Variants in CFAP46 observed in about 807,000 individuals in gnomAD.
CFAP46 encodes the protein cilia and flagella associated protein 46.
In CFAP46, 245 loss-of-function variants were observed where a neutral mutation model predicts 325.7. That is an observed-to-expected ratio of 0.75 (90% CI 0.68 to 0.84). The LOEUF is 0.84. CFAP46 is among the 40% of genes least tolerant of loss of function. The pLI is 0.00. For synonymous variants in CFAP46, 1,523 were observed against 1,495.9 expected, an observed-to-expected ratio of 1.02 and a Z score of -0.42; for missense variants, 3,346 against 3,543.0, an observed-to-expected ratio of 0.94 and a Z score of 1.41.
intron 32 of CFAP46, among the ~76,000 whole-genome samples, chr10:132,871,447 G>T (rs989950535): frequency 1.3e-5 from 2 of 152,168 alleles, no homozygotes; most frequent in Admixed American, 6.5e-5. Context: ...AAAACCTTCT[G>T]GAAAGGATTC....
chr10:132,887,603 TCTC>T (rs773336765), intron 25 of CFAP46, among the ~76,000 whole-genome samples: 43 of 34,160 alleles, frequency 1.3e-3, no homozygotes, highest in South Asian at 4.3e-3. Context: ...TCCCTTCTTC[TCTC>T]CTCTCCTCTC....
chr10:132,826,238 A>G (rs866956046), intron 50 of CFAP46, among the ~76,000 whole-genome samples: 513 of 54,832 alleles, frequency 9.4e-3, no homozygotes, highest in Middle Eastern at 0.02. Flanking sequence ...GCCAGGCAGG[A>G]GCCGGAGCCA....
In CFAP46 at chr10:132,812,900, G is replaced by A; in HGVS notation, c.7389-3C>T. ...GGGCCTGCTCCCACTGGGCCTGGCT[G>A]CAGAGAGAGGAGAGCGCTGGTCAAC... On this transcript the variant is annotated splice_polypyrimidine_tract_variant and splice_region_variant and intron_variant, in intron 54 of 57. Transcript: ENST00000368586. 3 of 1,604,676 alleles carry A rather than the reference G, an allele frequency of 1.9e-6. No individual in the cohort carries two copies. The highest frequency in any genetic ancestry group is 2.5e-6 in the Non-Finnish European group (3 of 1,178,312).
intron 35 of CFAP46, among the ~76,000 whole-genome samples, chr10:132,862,599 G>C (rs886656933): frequency 6.6e-6 from 1 of 152,042 alleles, no homozygotes; most frequent in Non-Finnish European, 1.5e-5. Flanking sequence ...GGTCGGCGGG[G>C]GTCTGAGTGC....
Position 132,916,763 on chromosome 10 carries a change from C to T in CFAP46, c.1987-81G>A, listed in dbSNP as rs901798010. 25 of 1,396,668 alleles carry T rather than the reference C, an allele frequency of 1.8e-5. No homozygotes were observed. The South Asian group carries it at 3.9e-4, about 22-fold the overall frequency. The allele number at this position is 1,396,668 out of a possible 1,614,324, so 86.5% of individuals were successfully genotyped here. ...AGATAGGAAACACACACGCCCTTCC[C>T]TCAGCTCTGATTTGAAAATGCCAAG... is the stretch of plus-strand genomic sequence containing the variant. On this transcript the variant is annotated intron_variant, in intron 16 of 57. Transcript: ENST00000368586.
chr10:132,848,812 G>A (rs775018382), intron 41 of CFAP46, among the ~76,000 whole-genome samples: 3 of 152,052 alleles, frequency 2.0e-5, no homozygotes, highest in Non-Finnish European at 4.4e-5. Flanking sequence ...CTGTGTCCAC[G>A]CGCCTTAATT....
chr10:132,827,827 C>G lies in CFAP46; in HGVS notation c.7117+5531G>C, dbSNP rs1383088176. ...CAACTTACCTGCCTTCTGACTTGTACATTGGTTTGTATTTCCCAGGCTTTT... is the reference window on the plus strand; with the variant it reads ...CAACTTACCTGCCTTCTGACTTGTAGATTGGTTTGTATTTCCCAGGCTTTT... On this transcript the variant is annotated intron_variant, in intron 50 of 57. Transcript: ENST00000368586. The surrounding 1 kb of genome is among the most constrained non-coding windows in gnomAD (Gnocchi z 5.7). 2.0e-5 allele frequency among the ~76,000 whole-genome samples: 3 copies of G among 151,454 alleles called. No homozygotes were observed. Among genetic ancestry groups the G allele is most frequent in the Non-Finnish European group, 2.9e-5 (2 of 67,916 alleles).
At position 132,878,042 on chromosome 10, in the gene CFAP46, G is replaced by A; in HGVS notation, c.4051C>T (p.Leu1351=). 1.3e-6 allele frequency: 2 copies of A among 1,547,916 alleles called. No individual in the cohort carries two copies. The highest frequency in any genetic ancestry group is 1.7e-6 in the Non-Finnish European group (2 of 1,145,696). Residue 1351 remains leucine, a synonymous_variant, in exon 30 of 58, where the codon CTG becomes TTG. Transcript: ENST00000368586. ...AACAGATGTGAGCTGGTTGCTGCCA[G>A]GGGTCTGTTTTCCAGAACTGATTTT... ...AGKSVLENRP[L]AATSSHLLLP...
intron 29 of CFAP46, among the ~76,000 whole-genome samples, chr10:132,879,182 G>A (rs1414323126): frequency 6.6e-6 from 1 of 152,202 alleles, no homozygotes; most frequent in Non-Finnish European, 1.5e-5. Flanking sequence ...CTGGGAATGT[G>A]GAGGGTGCAG....
chr10:132,929,063 TGA>T (rs1356862299), intron 9 of CFAP46: 1 of 164,560 alleles, frequency 6.1e-6, no homozygotes, highest in Admixed American at 6.0e-5. Context: ...CCCCCTTCTC[TGA>T]GAGGATACGT....
At chr10:132,885,471 T>C (rs1260587944) in intron 26 of CFAP46, among the ~76,000 whole-genome samples, 185 bp from the exon 27 acceptor site, 2 of 151,818 alleles carry the variant, frequency 1.3e-5, no homozygotes, top group Non-Finnish European at 2.9e-5. Context: ...CTCGGGGCTA[T>C]GCAGGGTTTT....
chr10:132,940,502 G>A (rs1187594283), intron 4 of CFAP46, among the ~76,000 whole-genome samples: 1 of 152,220 alleles, frequency 6.6e-6, no homozygotes, highest in Non-Finnish European at 1.5e-5. Context: ...GCAAAGGCAC[G>A]CTGGGCCGAA....
intron 8 of CFAP46, among the ~76,000 whole-genome samples, chr10:132,933,453 C>T (rs560644027): frequency 9.8e-5 from 15 of 152,370 alleles, no homozygotes; most frequent in African/African-American, 3.1e-4. Context: ...GCCAGGGCCA[C>T]GGCCACGCTT....
rs1848161820 is a variant in CFAP46 at position 132,832,390 on chromosome 10, C to CCT, written c.7117+967_7117+968insAG. ...GCGGAGACCCCTGGGCTCTTCCTGC[C>CCT]CCCCCCCCCCAATGCTGTGGCCTGG... On this transcript the variant is annotated intron_variant, in intron 50 of 57. Transcript: ENST00000368586. This position sits in a 1 kb window ranked among gnomAD's most constrained non-coding sequence, Gnocchi z 4.1. Among the ~76,000 whole-genome samples the CCT allele has an allele frequency of 1.9e-5, 2 of 105,606 alleles. 1 individual carries two copies. The highest frequency in any genetic ancestry group is 1.9e-4 in the Admixed American group (2 of 10,580). 69.3% of individuals were successfully genotyped at this position (105,606 alleles called of 152,430 possible).
Position 132,885,848 on chromosome 10 carries a change from T to G in CFAP46, c.3416A>C (p.Gln1139Pro). The change falls in exon 26 of 58, where the codon CAG becomes CCG. Residue 1139 changes from glutamine to proline, a missense_variant. Transcript: ENST00000368586. Reference sequence around the variant, plus strand: ...GCGGTGGGCCGTCCTTGGCAGCACCTGCACAGCCTCGTCCAGCACCTTGAG... The same window carrying G: ...GCGGTGGGCCGTCCTTGGCAGCACCGGCACAGCCTCGTCCAGCACCTTGAG... Reference protein sequence around the residue: ...GGLKVLDEAVQVLPRTAHRLL... With the variant: ...GGLKVLDEAVPVLPRTAHRLL... 6.5e-7 allele frequency: 1 copy of G among 1,544,010 alleles called. No homozygotes were observed. The highest frequency in any genetic ancestry group is 8.7e-7 in the Non-Finnish European group (1 of 1,143,604).
chr10:132,834,986 C>T (rs914235791), intron 47 of CFAP46, among the ~76,000 whole-genome samples: 16 of 152,264 alleles, frequency 1.1e-4, no homozygotes, highest in Non-Finnish European at 1.3e-4. Context: ...CCCATCTCCT[C>T]TGCCCGCACC....
chr10:132,892,263 T>A, intron 25 of CFAP46, 70 bp downstream of exon 25: 1 of 1,437,988 alleles, frequency 7.0e-7, no homozygotes, highest in Non-Finnish European at 9.5e-7. Flanking sequence ...AGCACCACGT[T>A]TAAAATTGGC....
chr10:132,938,571 A>C lies in CFAP46; in HGVS notation c.536+18T>G, dbSNP rs199722227. The C allele has an allele frequency of 2.5e-6, 4 of 1,609,848 alleles. No homozygotes were observed. Among genetic ancestry groups the C allele is most frequent in the African/African-American group, 2.7e-5 (2 of 74,744 alleles). On this transcript the variant is annotated intron_variant, in intron 5 of 57. Transcript: ENST00000368586. ...GGCCCACCGGGAGGCCACAGAGGGC[A>C]CGGCGAGCTCAACTCACAGCATCAG...
chr10:132,891,674 C>T (rs1230145693), intron 25 of CFAP46, among the ~76,000 whole-genome samples: 6 of 152,198 alleles, frequency 3.9e-5, no homozygotes, highest in Non-Finnish European at 5.9e-5. Flanking sequence ...AGTCTGGTGC[C>T]TTTTTGTCTG....
Sources: gnomAD v4.1 joint callset for allele counts (sites outside exome capture counted in the v4.1 genomes callset) on GRCh38, gnomAD v4.1.1 for gene constraint, Gnocchi (gnomAD v3.1) non-coding constraint, MANE v1.5 for transcripts, NCBI Gene and HGNC (gene_info 2026-07-23, HGNC 2026-07-21) for gene names.